ADAMTS15: variants seen among roughly 807,000 people sequenced by gnomAD.
ADAMTS15 encodes ADAM metallopeptidase with thrombospondin type 1 motif 15, also known as A disintegrin and metalloproteinase with thrombospondin motifs 15.
ADAMTS15 carries 35 observed loss-of-function variants against 79.1 expected under a neutral mutation model. The ratio of observed to expected loss-of-function variants is 0.44; its 90% CI spans 0.34 to 0.59. The LOEUF (loss-of-function observed/expected upper bound fraction) is 0.59. ADAMTS15 is among the 20% of genes least tolerant of loss of function. The pLI is 0.02. For missense variants in ADAMTS15, 1,324 were observed against 1,318.7 expected (o/e 1.00, Z -0.06); for synonymous variants, 616 against 567.3 (o/e 1.09, Z -1.22).
intron 1 of ADAMTS15, 145 bp from the exon 2 acceptor site, chr11:130,461,344 A>G (rs1179386155): frequency 1.7e-6 from 2 of 1,176,988 alleles, no homozygotes. Flanking sequence ...CCTAGGAAGA[A>G]GAGCCCAGCT....
At chr11:130,467,202 A>C (rs1254980232) in intron 4 of ADAMTS15, among the ~76,000 whole-genome samples, 2 of 151,926 alleles carry the variant, frequency 1.3e-5, no homozygotes, top group African/African-American at 2.4e-5. Context: ...GTGCTGAAGA[A>C]GAATTGGGGA....
intron 1 of ADAMTS15, among the ~76,000 whole-genome samples, chr11:130,458,276 T>C (rs1592145397): frequency 6.6e-6 from 1 of 152,150 alleles, no homozygotes; most frequent in African/African-American, 2.4e-5. Context: ...CCCAGGCTGG[T>C]CTTGACCTCC....
intron 5 of ADAMTS15, 80 bp downstream of exon 5, chr11:130,469,519 T>C: frequency 5.5e-6 from 6 of 1,100,516 alleles, no homozygotes; most frequent in Non-Finnish European, 7.0e-6. Context: ...CTACTCCATG[T>C]AATGCATGGC....
Position 130,462,039 on chromosome 11 carries a change from C to T in ADAMTS15, c.1091-48C>T. ...CCCTGCCCCATTCCTCCCTCCAACC[C>T]CCATGTCCTTCCTCCTGCCCTCTCA... On this transcript the variant is annotated intron_variant, in intron 2 of 7. Coordinates refer to ENST00000299164, the MANE Select transcript of ADAMTS15 (RefSeq NM_139055.4). This position sits in a 1 kb window ranked among gnomAD's most constrained non-coding sequence, Gnocchi z 4.3. 6.4e-7 allele frequency: 1 copy of T among 1,569,530 alleles called. No individual in the cohort carries two copies. Among genetic ancestry groups the T allele is most frequent in the Non-Finnish European group, 8.7e-7 (1 of 1,148,206 alleles).
intron 1 of ADAMTS15, among the ~76,000 whole-genome samples, chr11:130,461,117 C>T (rs948205797): frequency 2.0e-5 from 3 of 152,232 alleles, no homozygotes; most frequent in African/African-American, 2.4e-5. Context: ...GTTGCCTCAG[C>T]GAGCCTCCCT....
chr11:130,449,010 G>C lies in ADAMTS15; in HGVS notation c.37G>C (p.Gly13Arg). Reference sequence around the variant, plus strand: ...GGGCATCCTAACCCTGGCTTTCGCCGGGCGAACCGCTGGAGGCTCTGAGCC... The same window carrying C: ...GGGCATCCTAACCCTGGCTTTCGCCCGGCGAACCGCTGGAGGCTCTGAGCC... ...LLGILTLAFA[G>R]RTAGGSEPER... Residue 13 changes from glycine to arginine, a missense_variant, in exon 1 of 8, where the codon GGG becomes CGG. Physicochemically the swap from Gly to Arg is moderately radical, Grantham distance 125. Transcript: ENST00000299164. This position sits in a 1 kb window ranked among gnomAD's most constrained non-coding sequence, Gnocchi z 7.8. 1 of 1,509,354 alleles carries C rather than the reference G, an allele frequency of 6.6e-7. No individual in the cohort carries two copies. The highest frequency in any genetic ancestry group is 8.9e-7 in the Non-Finnish European group (1 of 1,129,164). The allele number at this position is 1,509,354 out of a possible 1,614,324, so 93.5% of individuals were successfully genotyped here. A position where few individuals can be genotyped will look rare whatever the true frequency, so the allele number is the denominator to read the frequency against.
intron 4 of ADAMTS15, among the ~76,000 whole-genome samples, chr11:130,463,081 C>T (rs1297167616): frequency 2.0e-5 from 3 of 152,234 alleles, no homozygotes; most frequent in African/African-American, 7.2e-5. Context: ...CCTCGTCCTA[C>T]CTGGGGAGGA....
chr11:130,468,156 C>T (rs993868367), intron 4 of ADAMTS15, among the ~76,000 whole-genome samples: 5 of 152,166 alleles, frequency 3.3e-5, no homozygotes, highest in South Asian at 4.1e-4. Context: ...GAACTTTTGC[C>T]GGGGCCAGCG....
Position 130,473,455 on chromosome 11 carries a change from C to T in ADAMTS15, c.2487C>T (p.Ser829=). 1 of 1,612,560 alleles carries T rather than the reference C, an allele frequency of 6.2e-7. No homozygotes were observed. The highest frequency in any genetic ancestry group is 8.5e-7 in the Non-Finnish European group (1 of 1,179,838). The change falls in exon 8 of 8, where the codon TCC becomes TCT. Residue 829 remains serine (S), a synonymous_variant. Coordinates refer to ENST00000299164, the MANE Select transcript of ADAMTS15 (RefSeq NM_139055.4). ...TGCACAACAGCGTCCTCAGCCTCTC[C>T]AACCAGGTGGAGCAGCCGGACGACA... ...SVLHNSVLSL[S]NQVEQPDDRP... is the part of the protein sequence containing the mutation.
In ADAMTS15 at chr11:130,462,540, C is replaced by T. The variant is rs763333819; in HGVS notation, c.1302C>T (p.Pro434=). The part of the protein sequence containing the change: ...LDQPSKPISL[P]EDLPGASYTL... ...AACCCAGCAAGCCCATCTCCCTGCC[C>T]GAGGATCTGCCGGGCGCCAGCTACA... The change falls in exon 4 of 8, where the codon CCC becomes CCT. Residue 434 remains proline, a synonymous_variant. Transcript: ENST00000299164. The surrounding 1 kb of genome is among the most constrained non-coding windows in gnomAD (Gnocchi z 4.3). The T allele has an allele frequency of 7.5e-6, 12 of 1,610,124 alleles. No homozygotes were observed. The highest frequency in any genetic ancestry group is 3.3e-5 in the Admixed American group (2 of 59,874).
rs117475987 is a variant in ADAMTS15, at chr11:130,461,773, C to T, written c.1090+152C>T. 1.2e-3 allele frequency: 1,548 copies of T among 1,286,440 alleles called. 5 individuals carry two copies. Among genetic ancestry groups the T allele is most frequent in the Non-Finnish European group, 1.4e-3 (1,379 of 954,128 alleles). 79.7% of individuals were successfully genotyped at this position (1,286,440 alleles called of 1,614,324 possible). ...CTTAGCAGCAGCTTTGTACTTTTTC[C>T]GATTGCCCCAGCCCCGCTGGCCAAT... On this transcript the variant is annotated intron_variant, in intron 2 of 7. Transcript: ENST00000299164.
In ADAMTS15 at chr11:130,453,176, G is replaced by A. The variant is rs951386151; in HGVS notation, c.957+3246G>A. On this transcript the variant is annotated intron_variant, in intron 1 of 7. Transcript: ENST00000299164. ...CGGGAGCAGGAAGGGCACTGGCTGC[G>A]GAGTCGGGGCTGGGGAGGGGAGCTT... Among the ~76,000 whole-genome samples, 6 of 152,246 alleles carry A rather than the reference G, an allele frequency of 3.9e-5. No individual in the cohort carries two copies. The South Asian group carries it at 6.2e-4, about 16-fold the overall frequency.
chr11:130,470,161 T>TACAC (rs1938405327), intron 5 of ADAMTS15, among the ~76,000 whole-genome samples: 2 of 54,438 alleles, frequency 3.7e-5, no homozygotes, highest in African/African-American at 1.1e-4. Context: ...TGTGTATATA[T>TACAC]ATATATATAT....
chr11:130,470,168 ATATATATATATATGTG>A (rs1938410095), intron 5 of ADAMTS15, among the ~76,000 whole-genome samples: 18 of 58,616 alleles, frequency 3.1e-4, no homozygotes, highest in African/African-American at 1.1e-3. Flanking sequence ...ATATATATAT[ATATATATATATATGTG>A]TGTATATATA....
At position 130,473,850 on chromosome 11, in the gene ADAMTS15, C is replaced by G. The variant is rs751695565; in HGVS notation, c.*29C>G. 4.5e-6 allele frequency: 7 copies of G among 1,558,680 alleles called. No individual in the cohort carries two copies. The highest frequency in any genetic ancestry group is 6.1e-6 in the Non-Finnish European group (7 of 1,156,722). ...GGGTCATCGCTTTCTCCCCCTCACT[C>G]TCCACCCCACTGATATGCCAGCGTT... On this transcript the variant is annotated 3_prime_UTR_variant, in exon 8 of 8. Transcript: ENST00000299164.
At chr11:130,469,484 G>C in intron 5 of ADAMTS15, 45 bp downstream of exon 5, 1 of 1,289,344 alleles carries the variant, frequency 7.8e-7, no homozygotes, top group Non-Finnish European at 9.9e-7. Flanking sequence ...GGGGAGGTGA[G>C]GCTGGAGGTC....
At chr11:130,470,469 G>A (rs1938427779) in intron 5 of ADAMTS15, among the ~76,000 whole-genome samples, 1 of 151,478 alleles carries the variant, frequency 6.6e-6, no homozygotes, top group African/African-American at 2.4e-5. Flanking sequence ...TGCCCGTCTC[G>A]GCCTCCCAAA....
intron 4 of ADAMTS15, among the ~76,000 whole-genome samples, chr11:130,467,961 A>C (rs2279568): frequency 6.6e-6 from 1 of 152,050 alleles, no homozygotes. Context: ...TTGGTCTGGC[A>C]TCAAGTCTGA....
In ADAMTS15 at chr11:130,474,672, G is replaced by C. The variant is rs1938541315; in HGVS notation, c.*851G>C. 1 of 152,540 alleles carries C rather than the reference G, an allele frequency of 6.6e-6. No individual in the cohort carries two copies. Among genetic ancestry groups the C allele is most frequent in the African/African-American group, 2.4e-5 (1 of 41,460 alleles). The allele number at this position is 152,540 out of a possible 1,614,324, so 9.4% of individuals were successfully genotyped here. On this transcript the variant is annotated 3_prime_UTR_variant, in exon 8 of 8. Transcript: ENST00000299164. ...GGGAGTTTTCAGAAAGTTCTGGAGG[G>C]TTCTGCTGTCACTGGACTGGGGTTG...
Sources: gnomAD v4.1 joint callset for allele counts (sites outside exome capture counted in the v4.1 genomes callset) on GRCh38, gnomAD v4.1.1 for gene constraint, Gnocchi (gnomAD v3.1) non-coding constraint, MANE v1.5 for transcripts, NCBI Gene and HGNC (gene_info 2026-07-23, HGNC 2026-07-21) for gene names.